TMEM268: variants seen among roughly 807,000 people sequenced by gnomAD.
TMEM268 encodes the protein transmembrane protein 268.
Under a neutral mutation model 39.1 loss-of-function variants are expected in TMEM268, and 24 were observed. The ratio of observed to expected loss-of-function variants is 0.61; its 90% CI spans 0.44 to 0.86. The LOEUF (loss-of-function observed/expected upper bound fraction) is 0.86. Among genes scored for constraint, TMEM268 ranks in the 40% least tolerant of loss-of-function variants. The pLI is 0.00. For synonymous variants in TMEM268, 176 were observed against 173.5 expected (o/e 1.01, Z -0.12); for missense variants, 409 against 428.6 (o/e 0.95, Z 0.40).
intron 1 of TMEM268, among the ~76,000 whole-genome samples, chr9:114,614,306 G>A (rs964604645): frequency 6.6e-6 from 1 of 152,122 alleles, no homozygotes; most frequent in African/African-American, 2.4e-5. Context: ...TTGGGAGAGG[G>A]GGCTCCTAAG....
chr9:114,634,558 A>C (rs1661932831), intron 6 of TMEM268, among the ~76,000 whole-genome samples: 1 of 152,158 alleles, frequency 6.6e-6, no homozygotes, highest in Admixed American at 6.5e-5. Flanking sequence ...ATCCTGGCTG[A>C]ACTCTCCTGT....
In TMEM268 at chr9:114,640,430, A is replaced by T. The variant is rs1040076816; in HGVS notation, c.849+1704A>T. ...AAAGATAGCGATAATGACCTCTTAC[A>T]TTTTTACAGATTTTTCTCATGCATA... On this transcript the variant is annotated intron_variant, in intron 8 of 8. Coordinates refer to ENST00000288502, the MANE Select transcript of TMEM268 (RefSeq NM_153045.4). Among the ~76,000 whole-genome samples the T allele has an allele frequency of 5.9e-5, 9 of 152,278 alleles. No homozygotes were observed. In the East Asian group the frequency reaches 1.7e-3, roughly 29 times the overall value.
chr9:114,612,443 G>A (rs1036167646), intron 1 of TMEM268, among the ~76,000 whole-genome samples: 3 of 151,914 alleles, frequency 2.0e-5, no homozygotes, highest in Non-Finnish European at 4.4e-5. Flanking sequence ...CCACCCTGCT[G>A]TCTGTCTGAC....
At chr9:114,615,224 A>C (rs1474196785) in intron 1 of TMEM268, among the ~76,000 whole-genome samples, 1 of 152,004 alleles carries the variant, frequency 6.6e-6, no homozygotes, top group African/African-American at 2.4e-5. Flanking sequence ...GATGAACGTG[A>C]CTGAGTGGTT....
Position 114,634,903 on chromosome 9 carries a change from C to T in TMEM268, c.585+1025C>T, listed in dbSNP as rs368880983. Reference sequence around the variant, plus strand: ...GAAGCAGATGACATCACAAGATTCTCGGCAGTTCAAGTGTGACATTGTAGA... The same window carrying T: ...GAAGCAGATGACATCACAAGATTCTTGGCAGTTCAAGTGTGACATTGTAGA... On this transcript the variant is annotated intron_variant, in intron 6 of 8. Coordinates refer to ENST00000288502, the MANE Select transcript of TMEM268 (RefSeq NM_153045.4). Among the ~76,000 whole-genome samples, 116 of 152,308 alleles carry T rather than the reference C, an allele frequency of 7.6e-4. 1 individual carries two copies. The highest frequency in any genetic ancestry group is 2.7e-3 in the African/African-American group (111 of 41,574).
chr9:114,634,452 G>A (rs1324845659), intron 6 of TMEM268, among the ~76,000 whole-genome samples: 1 of 152,168 alleles, frequency 6.6e-6, no homozygotes, highest in African/African-American at 2.4e-5. Flanking sequence ...TGCCTGGCTT[G>A]GTCATTCTCT....
chr9:114,605,700 C>T, the TMEM268 span, among the ~76,000 whole-genome samples: 2 of 151,996 alleles, frequency 1.3e-5, no homozygotes, highest in Non-Finnish European at 2.9e-5. Flanking sequence ...ATGGGTGGAT[C>T]GCTTGAGCTT....
At chr9:114,617,931 C>T (rs913989027) in intron 2 of TMEM268, among the ~76,000 whole-genome samples, 1 of 151,660 alleles carries the variant, frequency 6.6e-6, no homozygotes, top group Non-Finnish European at 1.5e-5. Context: ...GGTTGGAATG[C>T]AGTGGCATGA....
upstream of TMEM268, among the ~76,000 whole-genome samples, chr9:114,609,551 G>A (rs1283483746): frequency 6.6e-6 from 1 of 151,824 alleles, no homozygotes; most frequent in East Asian, 1.9e-4. Context: ...CGGGAGTGGT[G>A]GCATGCACTT....
intron 2 of TMEM268, among the ~76,000 whole-genome samples, chr9:114,622,668 A>G (rs1812250446): frequency 3.3e-5 from 5 of 152,144 alleles, no homozygotes; most frequent in Admixed American, 3.3e-4. Flanking sequence ...TTTTGAGGGA[A>G]TAAACACGTA....
chr9:114,643,040 G>A (rs1346949129), intron 8 of TMEM268, 94 bp from the exon 9 acceptor site: 5 of 1,324,146 alleles, frequency 3.8e-6, no homozygotes, highest in African/African-American at 1.4e-5. Context: ...GGGTCCAGGG[G>A]CAAGAAAGCA....
At chr9:114,639,302 A>AT (rs1268515339) in intron 8 of TMEM268, among the ~76,000 whole-genome samples, 2 of 151,872 alleles carry the variant, frequency 1.3e-5, no homozygotes, top group East Asian at 1.9e-4. Context: ...CACCTGGCTA[A>AT]TTTTTTGTAT....
intron 3 of TMEM268, among the ~76,000 whole-genome samples, chr9:114,625,721 G>T (rs1483068444): frequency 6.6e-6 from 1 of 151,810 alleles, no homozygotes; most frequent in Non-Finnish European, 1.5e-5. Context: ...GGGATTATAG[G>T]TATGAGCCAC....
At position 114,633,962 on chromosome 9, in the gene TMEM268, C is replaced by T; in HGVS notation, c.585+84C>T. On this transcript the variant is annotated intron_variant, in intron 6 of 8. Coordinates refer to ENST00000288502, the MANE Select transcript of TMEM268 (RefSeq NM_153045.4). ...GAGCAGTGGCCTCATGTTCTCCCAG[C>T]CTACACAGTGTTTGCAGTAGTCTGC... 6 of 722,050 alleles carry T rather than the reference C, an allele frequency of 8.3e-6. No homozygotes were observed. In the South Asian group the frequency reaches 9.9e-5, roughly 12 times the overall value. 44.7% of individuals were successfully genotyped at this position (722,050 alleles called of 1,614,324 possible). A position where few individuals can be genotyped will look rare whatever the true frequency, so the allele number is the denominator to read the frequency against.
At chr9:114,605,987 T>A in the TMEM268 span, among the ~76,000 whole-genome samples, 1 of 151,168 alleles carries the variant, frequency 6.6e-6, no homozygotes, top group Non-Finnish European at 1.5e-5. Context: ...GCATTCTAGA[T>A]GCTACTGTTG....
At chr9:114,632,804 A>G (rs1846458173) in intron 5 of TMEM268, among the ~76,000 whole-genome samples, 1 of 152,118 alleles carries the variant, frequency 6.6e-6, no homozygotes, top group Admixed American at 6.5e-5. Context: ...ACACAATCTC[A>G]GTGAAATCTC....
At chr9:114,641,617 C>T (rs554887759) in intron 8 of TMEM268, among the ~76,000 whole-genome samples, 6 of 152,244 alleles carry the variant, frequency 3.9e-5, no homozygotes, top group African/African-American at 1.2e-4. Flanking sequence ...CAAGACCAGC[C>T]TGAGCAACAT....
intron 5 of TMEM268, among the ~76,000 whole-genome samples, chr9:114,633,449 C>T (rs1455276138): frequency 4.6e-5 from 7 of 152,090 alleles, no homozygotes; most frequent in East Asian, 1.9e-4. Flanking sequence ...CGTGAACCAC[C>T]GCGCCTGGCC....
At chr9:114,606,539 GC>G (rs35420288), upstream of TMEM268, among the ~76,000 whole-genome samples, 513 of 152,314 alleles carry the variant, frequency 3.4e-3, 4 homozygotes, top group African/African-American at 0.012. Context: ...TTCTAAAATA[GC>G]TCACATTTAT....
Sources: gnomAD v4.1 joint callset for allele counts (sites outside exome capture counted in the v4.1 genomes callset) on GRCh38, gnomAD v4.1.1 for gene constraint, MANE v1.5 for transcripts, NCBI Gene and HGNC (gene_info 2026-07-23, HGNC 2026-07-21) for gene names.